Variants in SPHKAP observed in about 807,000 individuals in gnomAD.
SPHKAP encodes A-kinase anchor protein SPHKAP.
SPHKAP carries 67 observed loss-of-function variants against 137.5 expected under a neutral mutation model. The ratio of observed to expected loss-of-function variants is 0.49; its 90% CI spans 0.40 to 0.60. The LOEUF (loss-of-function observed/expected upper bound fraction) is 0.60. Among genes scored for constraint, SPHKAP ranks in the 20% least tolerant of loss-of-function variants. SPHKAP has a pLI of 0.00. For synonymous variants in SPHKAP, 813 were observed against 785.3 expected (o/e 1.04, Z -0.59); for missense variants, 2,097 against 2,069.3 (o/e 1.01, Z -0.26).
intron 9 of SPHKAP, among the ~76,000 whole-genome samples, chr2:227,993,226 G>A (rs1486470010): frequency 1.3e-5 from 2 of 152,122 alleles, no homozygotes; most frequent in Admixed American, 6.6e-5. Context: ...CTCTTTAGAT[G>A]GCATGGTATA....
At chr2:228,085,753 C>A (rs1222574425) in intron 3 of SPHKAP, among the ~76,000 whole-genome samples, 1 of 152,088 alleles carries the variant, frequency 6.6e-6, no homozygotes, top group Non-Finnish European at 1.5e-5. Context: ...CAGATTAAGA[C>A]TAACAAAAGC....
intron 2 of SPHKAP, among the ~76,000 whole-genome samples, chr2:228,119,077 G>A (rs912606900): frequency 5.3e-5 from 8 of 152,260 alleles, no homozygotes; most frequent in African/African-American, 1.2e-4. Flanking sequence ...ATGACATTGA[G>A]CAGAGATCTG....
At chr2:227,995,473 C>A in intron 8 of SPHKAP, 36 bp downstream of exon 8, 2 of 1,612,088 alleles carry the variant, frequency 1.2e-6, no homozygotes, top group Non-Finnish European at 1.7e-6. Flanking sequence ...TGTGTTGAGA[C>A]CAATTTCCCT....
At chr2:228,144,371 G>A (rs896143794) in intron 1 of SPHKAP, among the ~76,000 whole-genome samples, 16 of 152,114 alleles carry the variant, frequency 1.1e-4, no homozygotes, top group African/African-American at 3.9e-4. Flanking sequence ...TTTCCACGAT[G>A]TAGTTCCAGT....
chr2:228,178,911 C>T (rs1372824169), intron 1 of SPHKAP, among the ~76,000 whole-genome samples: 1 of 151,168 alleles, frequency 6.6e-6, no homozygotes, highest in Non-Finnish European at 1.5e-5. Context: ...AGTTTAATAA[C>T]TCAAAGAACC....
intron 3 of SPHKAP, among the ~76,000 whole-genome samples, chr2:228,064,636 A>G (rs575758558): frequency 1.3e-5 from 2 of 152,326 alleles, no homozygotes; most frequent in Non-Finnish European, 1.5e-5. Flanking sequence ...ATTTCCTGAT[A>G]TAGATGCTAA....
chr2:228,023,018 T>C (rs559830108), intron 5 of SPHKAP, among the ~76,000 whole-genome samples: 3 of 152,292 alleles, frequency 2.0e-5, no homozygotes, highest in African/African-American at 7.2e-5. Context: ...AAAACAGTGA[T>C]AAAGAGGCCC....
chr2:228,087,794 T>C (rs1559166324), intron 3 of SPHKAP, among the ~76,000 whole-genome samples: 1 of 152,032 alleles, frequency 6.6e-6, no homozygotes, highest in South Asian at 2.1e-4. Context: ...CTTTGAGAAA[T>C]GTGGCATACT....
At chr2:227,982,353 C>G in intron 11 of SPHKAP, 1 of 985,350 alleles carries the variant, frequency 1.0e-6, no homozygotes, top group Non-Finnish European at 1.2e-6. Context: ...AAGCAACTCC[C>G]TCACCCTCCA....
In SPHKAP at chr2:228,017,587, T is replaced by G. The variant is rs1374043405; in HGVS notation, c.3267A>C (p.Glu1089Asp). 1.2e-6 allele frequency: 2 copies of G among 1,613,914 alleles called. No individual in the cohort carries two copies. Among genetic ancestry groups the G allele is most frequent in the East Asian group, 4.5e-5 (2 of 44,866 alleles). Residue 1089 changes from glutamate to aspartate, a missense_variant, in exon 7 of 12, where the codon GAA becomes GAC. Glu to Asp is a conservative substitution (Grantham distance 45, BLOSUM62 2). Transcript: ENST00000392056. Reference sequence around the variant, plus strand: ...TGACATAGGCCCTGGCCTCGGAGTCTTCCTCAGGAATGCTTTCGCAGCTGG... The same window carrying G: ...TGACATAGGCCCTGGCCTCGGAGTCGTCCTCAGGAATGCTTTCGCAGCTGG... ...KASSCESIPEEDSEARAYVNS... is the reference protein window; with the variant it reads ...KASSCESIPEDDSEARAYVNS...
At chr2:228,107,071 C>A (rs200994752) in intron 3 of SPHKAP, among the ~76,000 whole-genome samples, 1 of 72,914 alleles carries the variant, frequency 1.4e-5, no homozygotes, top group Admixed American at 1.8e-4. Context: ...ACGTAGTTAT[C>A]ATTTTTTTTT....
chr2:228,177,303 T>C (rs1219647762), intron 1 of SPHKAP, among the ~76,000 whole-genome samples: 2 of 152,128 alleles, frequency 1.3e-5, no homozygotes, highest in East Asian at 3.9e-4. Context: ...ACCAGGACTT[T>C]CTAATTCCTA....
At chr2:228,170,239 G>A (rs1700544428) in intron 1 of SPHKAP, among the ~76,000 whole-genome samples, 1 of 152,092 alleles carries the variant, frequency 6.6e-6, no homozygotes. Context: ...TTGCGATGGA[G>A]CCTACTCCTG....
chr2:227,995,730 GCACACACA>G (rs34458152), intron 7 of SPHKAP, 36 bp from the exon 8 acceptor site: 37 of 1,455,130 alleles, frequency 2.5e-5, no homozygotes, highest in Non-Finnish European at 3.3e-5. Flanking sequence ...AAGAGAGGCA[GCACACACA>G]CACACACACA....
chr2:228,001,514 TAAG>T (rs945460476), intron 7 of SPHKAP, among the ~76,000 whole-genome samples: 3 of 144,440 alleles, frequency 2.1e-5, no homozygotes, highest in Non-Finnish European at 3.0e-5. Context: ...TACGTATATA[TAAG>T]AATATATATA....
intron 3 of SPHKAP, among the ~76,000 whole-genome samples, chr2:228,091,370 GACCA>G (rs2106326285): frequency 6.6e-6 from 1 of 152,270 alleles, no homozygotes; most frequent in South Asian, 2.1e-4. Context: ...AAGACCTCAT[GACCA>G]ACAACCCAAA....
intron 7 of SPHKAP, among the ~76,000 whole-genome samples, chr2:228,008,859 C>T (rs1694248158): frequency 6.6e-6 from 1 of 152,166 alleles, no homozygotes; most frequent in East Asian, 1.9e-4. Flanking sequence ...CAATACCACA[C>T]TCTCTTGACT....
intron 1 of SPHKAP, among the ~76,000 whole-genome samples, chr2:228,158,807 T>C (rs1034411324): frequency 1.3e-5 from 2 of 152,216 alleles, no homozygotes; most frequent in African/African-American, 2.4e-5. Context: ...TCCCTAGGAC[T>C]TTGCTGCTCA....
intron 3 of SPHKAP, among the ~76,000 whole-genome samples, chr2:228,092,089 G>T (rs560739391): frequency 4.2e-5 from 6 of 144,040 alleles, no homozygotes; most frequent in African/African-American, 1.3e-4. Context: ...GTATATATAT[G>T]TGTGTATATA....
Sources: allele counts gnomAD v4.1 joint callset (sites outside exome capture counted in the v4.1 genomes callset), GRCh38; gene constraint gnomAD v4.1.1; transcripts MANE v1.5; gene names NCBI Gene and HGNC (gene_info 2026-07-23, HGNC 2026-07-21).